Variants in CDH7 observed in about 807,000 individuals in gnomAD.
CDH7 encodes cadherin-7.
CDH7 carries 25 observed loss-of-function variants against 71.8 expected under a neutral mutation model. That is an observed-to-expected ratio of 0.35 (90% CI 0.25 to 0.49). The LOEUF is 0.49. Ranked by LOEUF, CDH7 falls within the 20% of genes least tolerant of loss-of-function variation. The pLI, the probability that CDH7 is intolerant of heterozygous loss-of-function variation, is 0.99. For synonymous variants in CDH7, 381 were observed against 363.8 expected (o/e 1.05, Z -0.54); for missense variants, 862 against 974.6 (o/e 0.88, Z 1.54).
At chr18:65,757,332 T>C (rs1916057958) in intron 1 of CDH7, among the ~76,000 whole-genome samples, 1 of 152,214 alleles carries the variant, frequency 6.6e-6, no homozygotes, top group Admixed American at 6.5e-5. Flanking sequence ...AGTGATTTCA[T>C]ATCAAATGAC....
intron 2 of CDH7, among the ~76,000 whole-genome samples, chr18:65,802,525 A>G (rs924776241): frequency 1.3e-5 from 2 of 152,156 alleles, no homozygotes; most frequent in East Asian, 1.9e-4. Flanking sequence ...AGTAAAATTA[A>G]AAGTTCTTCT....
At chr18:65,772,752 T>A (rs1160057769) in intron 2 of CDH7, among the ~76,000 whole-genome samples, 2 of 152,152 alleles carry the variant, frequency 1.3e-5, no homozygotes, top group Admixed American at 6.6e-5. Flanking sequence ...TAAAGCTTGC[T>A]ATTAAAATTA....
intron 2 of CDH7, among the ~76,000 whole-genome samples, chr18:65,770,739 C>T (rs1916516861): frequency 6.6e-6 from 1 of 152,100 alleles, no homozygotes; most frequent in African/African-American, 2.4e-5. Context: ...AGCTAGAAGG[C>T]ATATCAGAAG....
chr18:65,792,736 CCT>C (rs1210409301), intron 2 of CDH7, among the ~76,000 whole-genome samples: 3 of 152,084 alleles, frequency 2.0e-5, no homozygotes, highest in African/African-American at 7.2e-5. Context: ...CTCCAGAAGC[CCT>C]CTTATCCATG....
At chr18:65,845,947 G>A (rs1162952241) in intron 7 of CDH7, among the ~76,000 whole-genome samples, 1 of 151,800 alleles carries the variant, frequency 6.6e-6, no homozygotes, top group Non-Finnish European at 1.5e-5. Context: ...AAATAAATAA[G>A]TGAATAAGTA....
At position 65,838,855 on chromosome 18, in the gene CDH7, G is replaced by C. The variant is rs1912627296; in HGVS notation, c.982-4957G>C. ...AGAATTTGCCAAAGACAACAACCTA[G>C]GTGCCAGAGCAGAACAAAGATGAGA... On this transcript the variant is annotated intron_variant, in intron 6 of 11. Transcript: ENST00000397968. Among the ~76,000 whole-genome samples the C allele has an allele frequency of 2.6e-5, 4 of 152,306 alleles. No homozygotes were observed. The South Asian group carries it at 8.3e-4, about 32-fold the overall frequency.
chr18:65,873,695 G>T (rs539465945), intron 11 of CDH7, among the ~76,000 whole-genome samples: 1 of 152,060 alleles, frequency 6.6e-6, no homozygotes, highest in East Asian at 1.9e-4. Flanking sequence ...AAATTTAAAC[G>T]ACTATTTTAT....
rs1555682147 is a variant in CDH7, at chr18:65,782,061, C to CCTTCCTTT, written c.210+19012_210+19013insCCTTTCTT. 2.6e-4 allele frequency among the ~76,000 whole-genome samples: 10 copies of CCTTCCTTT among 38,234 alleles called. 4 individuals are homozygous for CCTTCCTTT. Among genetic ancestry groups the CCTTCCTTT allele is most frequent in the African/African-American group, 2.4e-3 (10 of 4,126 alleles). The allele number at this position is 38,234 out of a possible 152,430, so 25.1% of individuals were successfully genotyped here. ...TCCTTCCTTCCTTCCTTCCTTCCTT[C>CCTTCCTTT]CTTTCTTTCTTTCTTTCTTTCCTTC... On this transcript the variant is annotated intron_variant, in intron 2 of 11. Transcript: ENST00000397968.
intron 2 of CDH7, among the ~76,000 whole-genome samples, chr18:65,808,309 A>G (rs528072532): frequency 1.3e-5 from 2 of 152,340 alleles, no homozygotes; most frequent in Admixed American, 1.3e-4. Flanking sequence ...CACCCTTTGT[A>G]TTATAAATTA....
intron 7 of CDH7, among the ~76,000 whole-genome samples, chr18:65,850,580 T>TTTATTATTATTA (rs138534553): frequency 2.0e-5 from 3 of 147,752 alleles, no homozygotes; most frequent in African/African-American, 7.6e-5. Flanking sequence ...CTGCAGAGGT[T>TTTATTATTATTA]TTATTATTAT....
intron 11 of CDH7, among the ~76,000 whole-genome samples, chr18:65,875,709 A>G (rs745932675): frequency 2.0e-5 from 3 of 152,058 alleles, no homozygotes; most frequent in Non-Finnish European, 4.4e-5. Context: ...GCAAACTGGC[A>G]AAACTCCATT....
chr18:65,810,215 T>A (rs542944196), intron 3 of CDH7, among the ~76,000 whole-genome samples: 1 of 152,280 alleles, frequency 6.6e-6, no homozygotes, highest in Non-Finnish European at 1.5e-5. Context: ...TAGGAAATTG[T>A]TTTTATACAG....
At chr18:65,802,996 C>T (rs954212985) in intron 2 of CDH7, 1 of 152,136 alleles carries the variant, frequency 6.6e-6, no homozygotes, top group Admixed American at 6.6e-5. Flanking sequence ...AATTATATTA[C>T]ACCACTATAT....
chr18:65,775,305 C>G (rs997568135), intron 2 of CDH7, among the ~76,000 whole-genome samples: 1 of 152,106 alleles, frequency 6.6e-6, no homozygotes, highest in Non-Finnish European at 1.5e-5. Context: ...TGAAATGGCT[C>G]AGCTTTTCTC....
chr18:65,853,906 C>CAT lies in CDH7; in HGVS notation c.1236-3861_1236-3860dup, dbSNP rs4047846. On this transcript the variant is annotated intron_variant, in intron 7 of 11. Coordinates refer to ENST00000397968, the MANE Select transcript of CDH7 (RefSeq NM_004361.5). The stretch of plus-strand genomic sequence containing the variant: ...AGGAAATGATAACATCATAAATTAC[C>CAT]ATATATATATATATATATATATATA... 6.9e-3 allele frequency among the ~76,000 whole-genome samples: 235 copies of CAT among 34,146 alleles called. 16 individuals carry two copies. Among genetic ancestry groups the CAT allele is most frequent in the South Asian group, 9.9e-3 (7 of 710 alleles). 22.4% of individuals were successfully genotyped at this position (34,146 alleles called of 152,430 possible).
intron 4 of CDH7, among the ~76,000 whole-genome samples, chr18:65,819,703 G>A (rs370099723): frequency 2.4e-4 from 37 of 152,082 alleles, no homozygotes; most frequent in African/African-American, 8.4e-4. Flanking sequence ...CAGTTAACAG[G>A]ATCCCTGAGA....
chr18:65,784,144 G>A (rs1486077181), intron 2 of CDH7, among the ~76,000 whole-genome samples: 4 of 134,566 alleles, frequency 3.0e-5, no homozygotes, highest in Admixed American at 2.3e-4. Flanking sequence ...TAGAGATTGG[G>A]TTTTGCCAAG....
chr18:65,757,533 T>C (rs1266629507), intron 1 of CDH7, among the ~76,000 whole-genome samples: 1 of 152,158 alleles, frequency 6.6e-6, no homozygotes, highest in African/African-American at 2.4e-5. Context: ...TTATAAATTG[T>C]TTTTCAAAAT....
chr18:65,845,717 T>C (rs1049467813), intron 7 of CDH7, among the ~76,000 whole-genome samples: 6 of 152,040 alleles, frequency 3.9e-5, no homozygotes, highest in Admixed American at 1.3e-4. Context: ...GTTGGAGATA[T>C]GGAGAGTGAC....
Sources: gnomAD v4.1 joint callset for allele counts (sites outside exome capture counted in the v4.1 genomes callset) on GRCh38, gnomAD v4.1.1 for gene constraint, MANE v1.5 for transcripts, NCBI Gene and HGNC (gene_info 2026-07-23, HGNC 2026-07-21) for gene names.